Variants in POU2F2 observed in about 807,000 individuals in gnomAD.
POU2F2 encodes the protein POU domain, class 2, transcription factor 2.
A neutral mutation model predicts 63.5 loss-of-function variants in POU2F2; 14 were observed. That is an observed-to-expected ratio of 0.22 (90% CI 0.15 to 0.34). POU2F2 has a LOEUF of 0.34. Among genes scored for constraint, POU2F2 ranks in the 10% least tolerant of loss-of-function variants. POU2F2 has a pLI of 1.00. For missense variants in POU2F2, 607 were observed against 815.2 expected, an observed-to-expected ratio of 0.74 and a Z score of 3.11; for synonymous variants, 306 against 348.6, an observed-to-expected ratio of 0.88 and a Z score of 1.36.
chr19:42,195,330 C>CTTTTTTTTTT (rs894258162), intron 1 of POU2F2, among the ~76,000 whole-genome samples: 1 of 125,512 alleles, frequency 8.0e-6, no homozygotes, highest in Non-Finnish European at 1.7e-5. Flanking sequence ...CCCTCTTTTT[C>CTTTTTTTTTT]TTTTTTTTTT....
chr19:42,132,547 C>T (rs2146734440), upstream of POU2F2: 1 of 800,312 alleles, frequency 1.2e-6, no homozygotes, highest in Non-Finnish European at 1.8e-6. Flanking sequence ...GGGAAAATAC[C>T]CTGGCCCACA....
rs1389688197 is a variant in POU2F2, at chr19:42,116,910, A to C, written c.369+340T>G. The C allele has an allele frequency of 5.8e-6, 3 of 516,286 alleles. No homozygotes were observed. The Admixed American group carries it at 7.1e-5, about 12-fold the overall frequency. 32.0% of individuals were successfully genotyped at this position (516,286 alleles called of 1,614,324 possible). On this transcript the variant is annotated intron_variant, in intron 5 of 14. Coordinates refer to ENST00000692977, the MANE Select transcript of POU2F2 (RefSeq NM_001394376.1). ...CGGCGGCGGCAGCGGCGTTAGCGGC[A>C]GCGGCGGCACTGGACTGCTGCACGG...
rs2034441487 is a variant in POU2F2 at position 42,155,537 on chromosome 19, AG to A, written c.-9+4794del. On this transcript the variant is annotated intron_variant, in intron 2 of 6. Coordinates refer to the POU2F2 transcript ENST00000524801. The surrounding 1 kb of genome is among the most constrained non-coding windows in gnomAD (Gnocchi z 4.2). Reference sequence around the variant, plus strand: ...GTAGTCCCAGCTACATAGGAGACTGAGGCAGGAGGATTGCTTGAAAGTTTGA... The same window carrying A: ...GTAGTCCCAGCTACATAGGAGACTGAGCAGGAGGATTGCTTGAAAGTTTGA... Among the ~76,000 whole-genome samples the A allele has an allele frequency of 2.0e-5, 3 of 152,346 alleles. No homozygotes were observed. The highest frequency in any genetic ancestry group is 2.0e-4 in the Admixed American group (3 of 15,304).
intron 5 of POU2F2, among the ~76,000 whole-genome samples, chr19:42,101,277 C>A (rs1229223113): frequency 6.6e-6 from 1 of 151,862 alleles, no homozygotes; most frequent in South Asian, 2.1e-4. Flanking sequence ...TGCCACCCCC[C>A]AAAAAGGTAA....
chr19:42,099,912 C>G, intron 5 of POU2F2, 91 bp from the exon 6 acceptor site: 1 of 1,022,390 alleles, frequency 9.8e-7, no homozygotes. Context: ...GGGCTGAAAC[C>G]AGGAAGCTGC....
intron 1 of POU2F2, among the ~76,000 whole-genome samples, chr19:42,171,146 A>G (rs2034756676): frequency 6.6e-6 from 1 of 152,136 alleles, no homozygotes; most frequent in African/African-American, 2.4e-5. Flanking sequence ...CCCTCAGCAC[A>G]CTGCTCAGGC....
intron 5 of POU2F2, among the ~76,000 whole-genome samples, chr19:42,109,249 G>A (rs2030670809): frequency 1.3e-5 from 2 of 152,216 alleles, no homozygotes; most frequent in Admixed American, 1.3e-4. Context: ...AGGCCAGACG[G>A]CCCATCCCCC....
chr19:42,194,765 A>C (rs2035112834), intron 1 of POU2F2, among the ~76,000 whole-genome samples: 1 of 143,304 alleles, frequency 7.0e-6, no homozygotes, highest in South Asian at 2.2e-4. Context: ...TCTCAAAAAA[A>C]AAAAAAAAAA....
chr19:42,129,973 T>C (rs1192041415), intron 1 of POU2F2, among the ~76,000 whole-genome samples: 1 of 152,186 alleles, frequency 6.6e-6, no homozygotes, highest in Non-Finnish European at 1.5e-5. Context: ...CAGACAGGAA[T>C]GTGAACAGGT....
At chr19:42,192,388 G>C (rs1169436288) in intron 1 of POU2F2, among the ~76,000 whole-genome samples, 3 of 152,088 alleles carry the variant, frequency 2.0e-5, no homozygotes, top group Non-Finnish European at 4.4e-5. Flanking sequence ...CCTTTGAGAT[G>C]TCCCCAGTGA....
chr19:42,096,421 T>C lies in POU2F2; in HGVS notation c.568-178A>G, dbSNP rs2076924174. ...CCTTTAAAGGTCCCTCCACATGCACTGTTAATCCCTTTAAAGGTCCGACTC... is the reference window on the plus strand; with the variant it reads ...CCTTTAAAGGTCCCTCCACATGCACCGTTAATCCCTTTAAAGGTCCGACTC... On this transcript the variant is annotated intron_variant, in intron 7 of 14. Transcript: ENST00000692977. The surrounding 1 kb of genome is among the most constrained non-coding windows in gnomAD (Gnocchi z 4.1). 6.6e-6 allele frequency among the ~76,000 whole-genome samples: 1 copy of C among 152,176 alleles called. No homozygotes were observed. Among genetic ancestry groups the C allele is most frequent in the African/African-American group, 2.4e-5 (1 of 41,436 alleles).
chr19:42,136,793 C>G (rs898365059), upstream of POU2F2: 3 of 152,362 alleles, frequency 2.0e-5, no homozygotes, highest in Non-Finnish European at 4.4e-5. Context: ...TGGAATACCT[C>G]TGCAGCTCAC....
At chr19:42,133,812 G>A (rs553460604), upstream of POU2F2, among the ~76,000 whole-genome samples, 7 of 152,036 alleles carry the variant, frequency 4.6e-5, no homozygotes, top group South Asian at 2.1e-4. The surrounding 1 kb of genome is among the most constrained non-coding windows in gnomAD (Gnocchi z 5.1). Context: ...CTGGCCACTC[G>A]CACCCACTCA....
intron 1 of POU2F2, among the ~76,000 whole-genome samples, chr19:42,184,149 A>G (rs926277863): frequency 2.0e-5 from 3 of 151,832 alleles, no homozygotes; most frequent in Non-Finnish European, 4.4e-5. Context: ...CACCACCACA[A>G]CCTGCTAATT....
intron 6 of POU2F2, 40 bp from the exon 7 acceptor site, chr19:42,099,658 G>A: frequency 1.2e-6 from 2 of 1,603,188 alleles, no homozygotes; most frequent in Non-Finnish European, 1.7e-6. Context: ...GAGGGGGAGG[G>A]GAAGGTGAGG....
rs976627674 is a variant in POU2F2, at chr19:42,087,656, G to C, written c.*3601C>G. The stretch of plus-strand genomic sequence containing the variant: ...CACCATTAGGGTAGACCCAGTCTCT[G>C]TCCCTCCCTTAAGTAGGAGGTCAGG... On this transcript the variant is annotated 3_prime_UTR_variant, in exon 15 of 15. Transcript: ENST00000692977. 5.5e-5 allele frequency: 8 copies of C among 144,616 alleles called. No individual in the cohort carries two copies. Among genetic ancestry groups the C allele is most frequent in the African/African-American group, 2.1e-4 (8 of 38,592 alleles). 9.0% of individuals were successfully genotyped at this position (144,616 alleles called of 1,614,324 possible). A position where few individuals can be genotyped will look rare whatever the true frequency, so the allele number is the denominator to read the frequency against.
At chr19:42,101,100 T>C (rs2077124483) in intron 5 of POU2F2, among the ~76,000 whole-genome samples, 1 of 152,170 alleles carries the variant, frequency 6.6e-6, no homozygotes, top group African/African-American at 2.4e-5. Context: ...AGCAAGACTC[T>C]GTCTCAAAAA....
intron 5 of POU2F2, among the ~76,000 whole-genome samples, chr19:42,104,329 C>T (rs530262839): frequency 2.0e-5 from 3 of 152,202 alleles, no homozygotes; most frequent in Non-Finnish European, 2.9e-5. Context: ...CTCAGCCATT[C>T]TACTGCTAAA....
intron 1 of POU2F2, among the ~76,000 whole-genome samples, chr19:42,166,283 C>T (rs2034647726): frequency 6.6e-6 from 1 of 151,826 alleles, no homozygotes; most frequent in South Asian, 2.1e-4. Context: ...CACTGGGCAC[C>T]AGGTCTCATG....
Sources: allele counts gnomAD v4.1 joint callset (sites outside exome capture counted in the v4.1 genomes callset), GRCh38; gene constraint gnomAD v4.1.1; non-coding constraint Gnocchi (gnomAD v3.1); transcripts MANE v1.5; gene names NCBI Gene and HGNC (gene_info 2026-07-23, HGNC 2026-07-21).